The following TCF4 variants were observed in gnomAD, a reference collection of about 807,000 sequenced individuals.
TCF4 encodes the protein transcription factor 4, also known as SL3-3 enhancer factor 2.
Under a neutral mutation model 82.1 loss-of-function variants are expected in TCF4, and 3 were observed. That is an observed-to-expected ratio of 0.04 (90% confidence interval 0.02 to 0.09). The LOEUF (loss-of-function observed/expected upper bound fraction) is 0.09. TCF4 is among the 10% of genes least tolerant of loss of function. The pLI, the probability that TCF4 is intolerant of heterozygous loss-of-function variation, is 1.00. For missense variants in TCF4, 518 were observed against 852.7 expected (o/e 0.61, Z 4.89); for synonymous variants, 276 against 309.6 (o/e 0.89, Z 1.14).
chr18:55,612,080 A>C (rs2097707629), intron 2 of TCF4, among the ~76,000 whole-genome samples: 1 of 152,180 alleles, frequency 6.6e-6, no homozygotes, highest in African/African-American at 2.4e-5. Flanking sequence ...CAATGTACAA[A>C]TTATTAATGA....
At chr18:55,327,661 C>T (rs1053262573) in intron 8 of TCF4, among the ~76,000 whole-genome samples, 1 of 152,088 alleles carries the variant, frequency 6.6e-6, no homozygotes, top group African/African-American at 2.4e-5. Flanking sequence ...AAGTAATTCA[C>T]ATTGATTACT....
At chr18:55,363,675 GCA>G in intron 6 of TCF4, among the ~76,000 whole-genome samples, 1 of 152,188 alleles carries the variant, frequency 6.6e-6, no homozygotes, top group Non-Finnish European at 1.5e-5. Flanking sequence ...GCGTGGTAGT[GCA>G]CACCTGTAAT....
intron 3 of TCF4, among the ~76,000 whole-genome samples, chr18:55,475,678 A>C (rs2096275001): frequency 6.6e-6 from 1 of 152,204 alleles, no homozygotes; most frequent in Non-Finnish European, 1.5e-5. Context: ...CTATTTCCTT[A>C]CATATCTTCA....
chr18:55,582,703 T>C (rs1173908915), intron 3 of TCF4, among the ~76,000 whole-genome samples: 3 of 152,148 alleles, frequency 2.0e-5, no homozygotes, highest in Non-Finnish European at 1.5e-5. Context: ...CAAAAGCTAT[T>C]GGGAACTTTA....
chr18:55,602,140 C>T (rs749551033), intron 2 of TCF4, among the ~76,000 whole-genome samples: 1 of 152,164 alleles, frequency 6.6e-6, no homozygotes, highest in Non-Finnish European at 1.5e-5. Context: ...TTTTAAGATA[C>T]ATTTAGTTCT....
chr18:55,511,127 T>C (rs1206494986), intron 3 of TCF4, among the ~76,000 whole-genome samples: 1 of 152,152 alleles, frequency 6.6e-6, no homozygotes, highest in African/African-American at 2.4e-5. Flanking sequence ...TGAGTAGGTC[T>C]GTTTTGATTG....
chr18:55,278,034 C>T (rs1360862229), intron 9 of TCF4, among the ~76,000 whole-genome samples: 3 of 152,160 alleles, frequency 2.0e-5, no homozygotes, highest in Non-Finnish European at 2.9e-5. Context: ...GACACACGGG[C>T]TCTATTATGC....
At chr18:55,256,342 A>G (rs2056827849) in intron 14 of TCF4, among the ~76,000 whole-genome samples, 1 of 152,132 alleles carries the variant, frequency 6.6e-6, no homozygotes, top group Non-Finnish European at 1.5e-5. Context: ...GATGAAGGTA[A>G]ACACTAAAAC....
intron 5 of TCF4, among the ~76,000 whole-genome samples, chr18:55,418,639 G>A (rs949022933): frequency 3.3e-5 from 5 of 152,176 alleles, no homozygotes; most frequent in African/African-American, 9.6e-5. Flanking sequence ...TGAGAAAAAA[G>A]GGATACTTGG....
intron 6 of TCF4, chr18:55,401,921 T>C (rs936055604): frequency 4.5e-4 from 384 of 847,346 alleles, no homozygotes; most frequent in Admixed American, 9.3e-4. Context: ...AAAACTCTAA[T>C]GACCTCCGCC....
intron 3 of TCF4, among the ~76,000 whole-genome samples, chr18:55,514,405 GC>G (rs2096858809): frequency 6.9e-5 from 9 of 130,172 alleles, no homozygotes; most frequent in Non-Finnish European, 1.2e-4. Context: ...ATCTATCCAT[GC>G]ACACACACAC....
At chr18:55,374,261 A>C (rs192910299) in intron 6 of TCF4, among the ~76,000 whole-genome samples, 2 of 152,172 alleles carry the variant, frequency 1.3e-5, no homozygotes, top group Non-Finnish European at 2.9e-5. Context: ...CAACATATTT[A>C]AATATGATGA....
At chr18:55,628,784 T>C (rs1002838642) in intron 2 of TCF4, among the ~76,000 whole-genome samples, 7 of 152,210 alleles carry the variant, frequency 4.6e-5, no homozygotes, top group Admixed American at 1.3e-4. Context: ...TATGTCTTTG[T>C]TTTGCAAAAA....
intron 8 of TCF4, among the ~76,000 whole-genome samples, chr18:55,298,760 T>C (rs1489290860): frequency 2.0e-5 from 3 of 152,178 alleles, no homozygotes; most frequent in African/African-American, 7.2e-5. Flanking sequence ...ACTTATCCCA[T>C]TGTATGAAGA....
At chr18:55,272,826 G>A (rs1454332239) in intron 10 of TCF4, among the ~76,000 whole-genome samples, 1 of 151,954 alleles carries the variant, frequency 6.6e-6, no homozygotes. Flanking sequence ...ATCACCAAAC[G>A]TTCCCTGAAG....
At chr18:55,511,331 T>TA (rs59685050) in intron 3 of TCF4, among the ~76,000 whole-genome samples, 11,272 of 131,222 alleles carry the variant, frequency 0.086, 614 homozygotes, top group East Asian at 0.11. Context: ...TCCAAAAGTT[T>TA]AAAAAAAAAA....
At chr18:55,309,840 G>A (rs2071711457) in intron 8 of TCF4, among the ~76,000 whole-genome samples, 1 of 152,012 alleles carries the variant, frequency 6.6e-6, no homozygotes, top group Non-Finnish European at 1.5e-5. Context: ...GTGCAACACA[G>A]ATAATCAATG....
intron 8 of TCF4, among the ~76,000 whole-genome samples, chr18:55,313,805 G>A (rs951843205): frequency 2.0e-5 from 3 of 151,998 alleles, no homozygotes; most frequent in Admixed American, 2.0e-4. Flanking sequence ...CCAAAGCCTT[G>A]GTAATGTTAC....
intron 15 of TCF4, among the ~76,000 whole-genome samples, chr18:55,246,327 C>T (rs1347787911): frequency 6.6e-6 from 1 of 151,874 alleles, no homozygotes; most frequent in Admixed American, 6.6e-5. Flanking sequence ...AAATTCATGG[C>T]TCCAAGATGC....
Sources: gnomAD v4.1 joint callset for allele counts (sites outside exome capture counted in the v4.1 genomes callset) on GRCh38, gnomAD v4.1.1 for gene constraint, MANE v1.5 for transcripts, NCBI Gene and HGNC (gene_info 2026-07-23, HGNC 2026-07-21) for gene names.